The following PDZD2 variants were observed in gnomAD, a reference collection of about 807,000 sequenced individuals.
The protein encoded by PDZD2 is PDZ domain containing 2.
In PDZD2, 90 loss-of-function variants were observed where a neutral mutation model predicts 220.7. The ratio of observed to expected loss-of-function variants is 0.41; its 90% CI spans 0.34 to 0.49. The LOEUF (loss-of-function observed/expected upper bound fraction) is 0.49. Among genes scored for constraint, PDZD2 ranks in the 20% least tolerant of loss-of-function variants. The pLI is 0.28. For missense variants in PDZD2, 3,174 were observed against 3,608.5 expected (o/e 0.88, Z 3.08); for synonymous variants, 1,375 against 1,450.5 (o/e 0.95, Z 1.18).
chr5:31,922,549 C>T (rs186299663), intron 2 of PDZD2, among the ~76,000 whole-genome samples: 137 of 152,158 alleles, frequency 9.0e-4, no homozygotes, highest in African/African-American at 3.2e-3. Flanking sequence ...GGGAACTGAA[C>T]GTTGCTACTG....
intron 2 of PDZD2, among the ~76,000 whole-genome samples, chr5:31,802,494 T>C (rs190250583): frequency 1.3e-5 from 2 of 152,278 alleles, no homozygotes; most frequent in African/African-American, 2.4e-5. Context: ...TGGACTCAAA[T>C]AGCTGAAGCT....
At chr5:31,832,658 A>G (rs930522871) in intron 2 of PDZD2, 1 of 152,170 alleles carries the variant, frequency 6.6e-6, no homozygotes, top group Non-Finnish European at 1.5e-5. Flanking sequence ...TCTACTGAAA[A>G]TACAAAAATA....
At chr5:31,830,178 T>A (rs1365748957) in intron 2 of PDZD2, among the ~76,000 whole-genome samples, 116 of 151,822 alleles carry the variant, frequency 7.6e-4, no homozygotes, top group African/African-American at 2.7e-3. Context: ...CTTTTTTTTT[T>A]TTTTTGAGAC....
chr5:32,027,475 G>T (rs1485864016), intron 6 of PDZD2, among the ~76,000 whole-genome samples: 2 of 152,196 alleles, frequency 1.3e-5, no homozygotes, highest in African/African-American at 4.8e-5. Context: ...GGCTTAGCTA[G>T]AACAAGGGCA....
intron 21 of PDZD2, among the ~76,000 whole-genome samples, chr5:32,096,513 T>G (rs895853296): frequency 1.3e-5 from 2 of 152,166 alleles, no homozygotes; most frequent in African/African-American, 4.8e-5. Flanking sequence ...GAGACGGGGT[T>G]TCGCCATGTT....
intron 1 of PDZD2, among the ~76,000 whole-genome samples, chr5:31,775,056 C>G (rs1028801356): frequency 1.3e-5 from 2 of 152,180 alleles, no homozygotes; most frequent in African/African-American, 2.4e-5. Context: ...TGGGAAACAT[C>G]GAGAGCCAAC....
At chr5:31,821,394 T>A (rs141647345) in intron 2 of PDZD2, among the ~76,000 whole-genome samples, 79,832 of 147,398 alleles carry the variant, frequency 0.54, 21,797 homozygotes, top group Non-Finnish European at 0.61. Context: ...ATTATTTTTT[T>A]TTTTTGAGAT....
intron 2 of PDZD2, among the ~76,000 whole-genome samples, chr5:31,905,264 G>A (rs1471818557): frequency 1.3e-5 from 2 of 152,144 alleles, no homozygotes; most frequent in East Asian, 1.9e-4. Context: ...GATTACAGGC[G>A]TGAGCCACCG....
chr5:31,964,715 T>G (rs891681190), intron 2 of PDZD2, among the ~76,000 whole-genome samples: 4 of 152,198 alleles, frequency 2.6e-5, no homozygotes, highest in African/African-American at 9.6e-5. Flanking sequence ...TTTTTGCCTT[T>G]TTTTTATTTT....
At position 31,924,714 on chromosome 5, in the gene PDZD2, G is replaced by C. The variant is rs142732778; in HGVS notation, c.477-58441G>C. Among the ~76,000 whole-genome samples, 172 of 152,296 alleles carry C rather than the reference G, an allele frequency of 1.1e-3. 2 individuals carry two copies. The highest frequency in any genetic ancestry group is 4.0e-3 in the African/African-American group (166 of 41,552). ...TAGCCAATCTCATGGACACCAGCAG[G>C]ATCATACCCCAAAGATTTAGAGAAA... is the stretch of plus-strand genomic sequence containing the variant. On this transcript the variant is annotated intron_variant, in intron 2 of 24. Transcript: ENST00000438447.
chr5:31,916,994 G>T (rs1743746021), intron 2 of PDZD2, among the ~76,000 whole-genome samples: 1 of 152,180 alleles, frequency 6.6e-6, no homozygotes, highest in Non-Finnish European at 1.5e-5. Context: ...GGCATGAGTG[G>T]AAGGAGGTTG....
At chr5:31,669,384 A>T (rs1435655012) in intron 1 of PDZD2, among the ~76,000 whole-genome samples, 1 of 144,504 alleles carries the variant, frequency 6.9e-6, no homozygotes, top group East Asian at 2.1e-4. Flanking sequence ...CCTGGGTGAC[A>T]GAGTGAGACC....
intron 2 of PDZD2, among the ~76,000 whole-genome samples, chr5:31,925,935 T>C: frequency 6.6e-6 from 1 of 152,098 alleles, no homozygotes; most frequent in East Asian, 1.9e-4. Context: ...TGGCAGTTAT[T>C]TATGAAGTCA....
rs1021617542 is a variant in PDZD2 at position 31,646,817 on chromosome 5, C to T, written c.-361+7380C>T. 3.3e-5 allele frequency among the ~76,000 whole-genome samples: 5 copies of T among 152,178 alleles called. No individual in the cohort carries two copies. On this transcript the variant is annotated intron_variant, in intron 1 of 24. Coordinates refer to ENST00000438447, the MANE Select transcript of PDZD2 (RefSeq NM_178140.4). The surrounding 1 kb of genome is among the most constrained non-coding windows in gnomAD (Gnocchi z 4.7). Reference sequence around the variant, plus strand: ...CTCTCCACTCCTACCCCGCCCTGGCCACCTTAATTCCCAGTATCATTAGGC... The same window carrying T: ...CTCTCCACTCCTACCCCGCCCTGGCTACCTTAATTCCCAGTATCATTAGGC...
At chr5:31,894,573 A>T (rs116384880) in intron 2 of PDZD2, among the ~76,000 whole-genome samples, 1 of 152,170 alleles carries the variant, frequency 6.6e-6, no homozygotes, top group South Asian at 2.1e-4. Context: ...AGTACATACC[A>T]AGTATATTTT....
At chr5:32,037,020 C>T (rs890231110) in intron 6 of PDZD2, among the ~76,000 whole-genome samples, 3 of 152,326 alleles carry the variant, frequency 2.0e-5, no homozygotes, top group Admixed American at 1.3e-4. Context: ...CCATGCTGGG[C>T]GGTGAGACGC....
At position 31,967,603 on chromosome 5, in the gene PDZD2, C is replaced by T. The variant is rs148427360; in HGVS notation, c.477-15552C>T. On this transcript the variant is annotated intron_variant, in intron 2 of 24. Transcript: ENST00000438447. Reference sequence around the variant, plus strand: ...TACATCAGACATAATCTCTGAGATACGGTCTGCCCTCAGTTATCCCTGGGC... The same window carrying T: ...TACATCAGACATAATCTCTGAGATATGGTCTGCCCTCAGTTATCCCTGGGC... Among the ~76,000 whole-genome samples the T allele has an allele frequency of 9.9e-5, 15 of 152,262 alleles. No homozygotes were observed. The East Asian group carries it at 1.2e-3, about 12-fold the overall frequency.
intron 2 of PDZD2, among the ~76,000 whole-genome samples, chr5:31,809,463 C>T (rs1402278251): frequency 6.6e-6 from 1 of 152,164 alleles, no homozygotes; most frequent in Non-Finnish European, 1.5e-5. Context: ...ATTCGAGTCC[C>T]TTCACACACA....
intron 1 of PDZD2, among the ~76,000 whole-genome samples, chr5:31,750,345 T>A (rs1750878120): frequency 6.6e-6 from 1 of 152,186 alleles, no homozygotes; most frequent in South Asian, 2.1e-4. Context: ...TTCTGTTAGC[T>A]CCTTTGGGCA....
Sources: allele counts gnomAD v4.1 joint callset (sites outside exome capture counted in the v4.1 genomes callset), GRCh38; gene constraint gnomAD v4.1.1; non-coding constraint Gnocchi (gnomAD v3.1); transcripts MANE v1.5; gene names NCBI Gene and HGNC (gene_info 2026-07-23, HGNC 2026-07-21).